Variants in LIN28B observed in about 807,000 individuals in gnomAD.
The protein encoded by LIN28B is protein lin-28 homolog B.
Under a neutral mutation model 21.9 loss-of-function variants are expected in LIN28B, and 5 were observed. That is an observed-to-expected ratio of 0.23 (90% CI 0.12 to 0.48). The LOEUF is 0.48. Ranked by LOEUF, LIN28B falls within the 20% of genes least tolerant of loss-of-function variation. LIN28B has a pLI of 0.98. For synonymous variants in LIN28B, 109 were observed against 111.3 expected (o/e 0.98, Z 0.13); for missense variants, 245 against 310.5 (o/e 0.79, Z 1.58).
chr6:104,945,469 T>C (rs980835651), intron 2 of LIN28B, among the ~76,000 whole-genome samples: 2 of 152,122 alleles, frequency 1.3e-5, no homozygotes, highest in Admixed American at 1.3e-4. Context: ...GTTATTATTG[T>C]AATTAAAAGA....
intron 2 of LIN28B, among the ~76,000 whole-genome samples, chr6:105,020,107 CT>C (rs1158938023): frequency 0.042 from 3,681 of 87,632 alleles, 47 homozygotes; most frequent in African/African-American, 0.11. Context: ...TCCTGTTATT[CT>C]TTTTTTTTTT....
intron 3 of LIN28B, among the ~76,000 whole-genome samples, chr6:105,072,145 G>A (rs2114417901): frequency 6.6e-6 from 1 of 151,920 alleles, no homozygotes; most frequent in African/African-American, 2.4e-5. Flanking sequence ...AGATATTTTA[G>A]ACTTACATAT....
intron 2 of LIN28B, among the ~76,000 whole-genome samples, chr6:104,967,899 T>G (rs1335013588): frequency 6.6e-6 from 1 of 152,018 alleles, no homozygotes; most frequent in Non-Finnish European, 1.5e-5. Flanking sequence ...GAATCTTGCC[T>G]TGTTGACCAG....
Position 104,973,798 on chromosome 6 carries a change from T to G in LIN28B, c.198+15512T>G, listed in dbSNP as rs1035927330. On this transcript the variant is annotated intron_variant, in intron 2 of 3. Coordinates refer to ENST00000345080, the MANE Select transcript of LIN28B (RefSeq NM_001004317.4). ...TAGGTATTAGCAAAGTCAAATCCAG[T>G]TCTTTACCACATTTCTGTCTTTACT... is the stretch of plus-strand genomic sequence containing the variant. Among the ~76,000 whole-genome samples, 9 of 152,374 alleles carry G rather than the reference T, an allele frequency of 5.9e-5. No individual in the cohort carries two copies. In the South Asian group the frequency reaches 1.9e-3, roughly 32 times the overall value.
rs10562331 is a variant in LIN28B at position 104,938,050 on chromosome 6, C to CAA, written c.18+961_18+962dup. Reference sequence around the variant, plus strand: ...GCAACAGAGCAAGAACCTGTCTCTACAAAAAAAAAAAAAAAAAAAAAAAAA... The same window carrying CAA: ...GCAACAGAGCAAGAACCTGTCTCTACAAAAAAAAAAAAAAAAAAAAAAAAAAA... On this transcript the variant is annotated intron_variant, in intron 2 of 5. Transcript: ENST00000635857. Among the ~76,000 whole-genome samples, 123 of 73,698 alleles carry CAA rather than the reference C, an allele frequency of 1.7e-3. 4 individuals carry two copies. Among genetic ancestry groups the CAA allele is most frequent in the African/African-American group, 6.2e-3 (101 of 16,280 alleles). The allele number at this position is 73,698 out of a possible 152,430, so 48.3% of individuals were successfully genotyped here.
chr6:104,967,222 G>A (rs528058827), intron 2 of LIN28B, among the ~76,000 whole-genome samples: 1 of 151,952 alleles, frequency 6.6e-6, no homozygotes, highest in African/African-American at 2.4e-5. Context: ...CTCATGTGCT[G>A]TAAACTCACC....
At chr6:105,023,628 T>TTAAATATATAAAATATATAATATATA (rs1771219668) in intron 2 of LIN28B, among the ~76,000 whole-genome samples, 24 of 46,554 alleles carry the variant, frequency 5.2e-4, no homozygotes, top group African/African-American at 7.4e-4. Flanking sequence ...TATTATATAT[T>TTAAATATATAAAATATATAATATATA]TTATATATAT....
chr6:104,961,654 C>T (rs1052964557), intron 2 of LIN28B, among the ~76,000 whole-genome samples: 1 of 152,130 alleles, frequency 6.6e-6, no homozygotes, highest in Non-Finnish European at 1.5e-5. Context: ...CCTGCCTCCC[C>T]CTCCCAAAGT....
rs150091623 is a variant in LIN28B, at chr6:105,025,050, C to T, written c.199-1248C>T. On this transcript the variant is annotated intron_variant, in intron 2 of 3. Coordinates refer to ENST00000345080, the MANE Select transcript of LIN28B (RefSeq NM_001004317.4). ...CAACATACAGTGTTTTACAAACTTA[C>T]TTGACCACAAAACCTTTTTCTCGTG... Among the ~76,000 whole-genome samples the T allele has an allele frequency of 2.0e-3, 310 of 152,212 alleles. 1 individual carries two copies. Among genetic ancestry groups the T allele is most frequent in the African/African-American group, 7.1e-3 (293 of 41,542 alleles).
intron 2 of LIN28B, among the ~76,000 whole-genome samples, chr6:104,994,742 G>A (rs950612005): frequency 1.3e-5 from 2 of 152,344 alleles, no homozygotes; most frequent in East Asian, 3.9e-4. Flanking sequence ...ATAGTTAAGT[G>A]TGGGCAAAGG....
intron 2 of LIN28B, among the ~76,000 whole-genome samples, chr6:104,988,462 G>A (rs985871150): frequency 3.4e-5 from 5 of 145,608 alleles, no homozygotes; most frequent in Admixed American, 1.4e-4. Flanking sequence ...TACCTTAAAC[G>A]TTTGGAAGAG....
At chr6:105,016,230 T>C (rs1192808947) in intron 2 of LIN28B, among the ~76,000 whole-genome samples, 8 of 151,544 alleles carry the variant, frequency 5.3e-5, no homozygotes, top group Non-Finnish European at 2.9e-5. Flanking sequence ...TTTTTAAAAG[T>C]TCAGAAAATT....
intron 3 of LIN28B, among the ~76,000 whole-genome samples, chr6:105,069,569 T>TA (rs113654751): frequency 0.087 from 12,364 of 141,768 alleles, 510 homozygotes; most frequent in Middle Eastern, 0.12. Context: ...TACAAAAAAT[T>TA]TAAAAAAAAA....
intron 2 of LIN28B, among the ~76,000 whole-genome samples, chr6:104,984,791 A>G (rs192343725): frequency 1.4e-3 from 209 of 152,336 alleles, no homozygotes; most frequent in Middle Eastern, 3.4e-3. Flanking sequence ...TATAGGTCAG[A>G]ACTTTATTCA....
intron 2 of LIN28B, among the ~76,000 whole-genome samples, chr6:105,006,639 C>G (rs1437043845): frequency 1.3e-5 from 2 of 152,074 alleles, no homozygotes; most frequent in Non-Finnish European, 2.9e-5. Flanking sequence ...ACATATGACC[C>G]CAAATTTTCA....
chr6:104,984,027 T>C (rs748183898), intron 2 of LIN28B, among the ~76,000 whole-genome samples: 6 of 152,178 alleles, frequency 3.9e-5, no homozygotes, highest in Admixed American at 1.3e-4. Context: ...CACACTACCA[T>C]TGTACTAGAG....
intron 3 of LIN28B, among the ~76,000 whole-genome samples, chr6:105,071,790 G>A (rs1772338537): frequency 6.6e-6 from 1 of 152,002 alleles, no homozygotes; most frequent in Admixed American, 6.5e-5. Flanking sequence ...TCTTTTGACT[G>A]GAATTTTATT....
intron 3 of LIN28B, among the ~76,000 whole-genome samples, chr6:105,026,735 T>C (rs1321727254): frequency 2.0e-5 from 3 of 152,140 alleles, no homozygotes; most frequent in Non-Finnish European, 4.4e-5. Flanking sequence ...GAGACCCCAG[T>C]TGAGGAGTTG....
chr6:104,986,749 T>G (rs1040641491), intron 2 of LIN28B, among the ~76,000 whole-genome samples: 15 of 152,248 alleles, frequency 9.9e-5, no homozygotes, highest in Admixed American at 4.6e-4. Flanking sequence ...AAGAATGTAA[T>G]TCTCTGCAAG....
Sources: allele counts gnomAD v4.1 joint callset (sites outside exome capture counted in the v4.1 genomes callset), GRCh38; gene constraint gnomAD v4.1.1; transcripts MANE v1.5; gene names NCBI Gene and HGNC (gene_info 2026-07-23, HGNC 2026-07-21).